Variants in GBP1 observed in about 807,000 individuals in gnomAD.
GBP1 encodes the protein guanylate-binding protein 1.
Under a neutral mutation model 69.5 loss-of-function variants are expected in GBP1, and 64 were observed. That is an observed-to-expected ratio of 0.92 (90% CI 0.75 to 1.13). The LOEUF is 1.13. GBP1 is among the 50% of genes most tolerant of loss of function. GBP1 has a pLI of 0.00. For missense variants in GBP1, 630 were observed against 704.1 expected, an observed-to-expected ratio of 0.89 and a Z score of 1.19; for synonymous variants, 250 against 261.2, an observed-to-expected ratio of 0.96 and a Z score of 0.41.
chr1:89,056,121 T>G lies in GBP1; in HGVS notation c.1263A>C (p.Glu421Asp). 1 of 1,613,944 alleles carries G rather than the reference T, an allele frequency of 6.2e-7. No individual in the cohort carries two copies. Among genetic ancestry groups the G allele is most frequent in the Non-Finnish European group, 8.5e-7 (1 of 1,179,828 alleles). Residue 421 changes from glutamate to aspartate, a missense_variant, in exon 8 of 11, where the codon GAA becomes GAC. Physicochemically the swap from Glu to Asp is conservative, Grantham distance 45 (BLOSUM62 2). This residue lies in a region of GBP1 where 367 missense variants were observed against 369.5 expected (regional missense o/e 0.99). Coordinates refer to ENST00000370473, the MANE Select transcript of GBP1 (RefSeq NM_002053.3). Reference sequence around the variant, plus strand: ...GTTTCGAATAAATTCCCGCCTTCACTTCTTCTTCTAGAGGACTGAAAATGA... The same window carrying G: ...GTTTCGAATAAATTCCCGCCTTCACGTCTTCTTCTAGAGGACTGAAAATGA... ...LQVIFSPLEE[E>D]VKAGIYSKPG...
chr1:89,057,216 A>G, intron 6 of GBP1, 82 bp from the exon 7 acceptor site: 1 of 1,563,022 alleles, frequency 6.4e-7, no homozygotes, highest in Admixed American at 1.8e-5. Context: ...GTCAAATACC[A>G]CCTATTTTCC....
chr1:89,056,755 A>G, intron 7 of GBP1, 99 bp downstream of exon 7: 1 of 1,328,630 alleles, frequency 7.5e-7, no homozygotes, highest in Non-Finnish European at 1.0e-6. Flanking sequence ...TATGGAAGCT[A>G]GGAGGAATTA....
chr1:89,058,760 G>A, intron 5 of GBP1, 81 bp downstream of exon 5: 5 of 1,497,650 alleles, frequency 3.3e-6, no homozygotes, highest in Non-Finnish European at 4.6e-6. Flanking sequence ...GCAAATGCTG[G>A]AAAACTAGCA....
intron 10 of GBP1, among the ~76,000 whole-genome samples, chr1:89,054,404 T>C (rs1407097240): frequency 1.3e-5 from 2 of 152,036 alleles, no homozygotes; most frequent in African/African-American, 4.8e-5. Context: ...CCCACCGAGA[T>C]ACAGATATTT....
chr1:89,062,960 C>A (rs1557751653), intron 2 of GBP1, 85 bp downstream of exon 2: 1 of 1,529,860 alleles, frequency 6.5e-7, no homozygotes, highest in Non-Finnish European at 9.0e-7. Flanking sequence ...ATCCTCATCT[C>A]TTTCTCTCCT....
intron 10 of GBP1, among the ~76,000 whole-genome samples, chr1:89,054,302 G>A (rs957244762): frequency 3.9e-5 from 6 of 151,998 alleles, no homozygotes; most frequent in Non-Finnish European, 5.9e-5. Flanking sequence ...GGATTTCACC[G>A]TGTTAGCCAG....
Position 89,058,104 on chromosome 1 carries a change from T to C in GBP1, c.762A>G (p.Gln254=). The C allele has an allele frequency of 6.2e-7, 1 of 1,614,206 alleles. No individual in the cohort carries two copies. The highest frequency in any genetic ancestry group is 1.3e-5 in the African/African-American group (1 of 75,056). The change falls in exon 6 of 11, where the codon CAA becomes CAG. Residue 254 remains glutamine, a synonymous_variant. Coordinates refer to ENST00000370473, the MANE Select transcript of GBP1 (RefSeq NM_002053.3). ...CAAATTCGGGGTCCAGCTCTTCATC[T>C]TGTAGTTTCTCGAGCTGGGCAAGCT... ...RRKLAQLEKL[Q]DEELDPEFVQ...
chr1:89,056,546 A>G (rs1048800191), intron 7 of GBP1, among the ~76,000 whole-genome samples: 9 of 152,218 alleles, frequency 5.9e-5, no homozygotes, highest in Non-Finnish European at 1.3e-4. Context: ...GTAGGATGAA[A>G]ATTTTCTTTG....
chr1:89,063,608 T>C (rs1027528116), intron 1 of GBP1, among the ~76,000 whole-genome samples: 2 of 152,228 alleles, frequency 1.3e-5, no homozygotes, highest in African/African-American at 2.4e-5. Context: ...ATGTAAGGAA[T>C]TCAATATTGA....
At chr1:89,064,232 TGTGTGTGTGAGAGA>T (rs1202862731) in intron 1 of GBP1, among the ~76,000 whole-genome samples, 17 of 113,630 alleles carry the variant, frequency 1.5e-4, no homozygotes, top group African/African-American at 4.9e-4. Context: ...TGTGTGTGTG[TGTGTGTGTGAGAGA>T]GAGAGAGAGA....
At position 89,056,147 on chromosome 1, in the gene GBP1, C is replaced by T; in HGVS notation, c.1237G>A (p.Val413Ile). The T allele has an allele frequency of 6.2e-7, 1 of 1,613,900 alleles. No homozygotes were observed. Among genetic ancestry groups the T allele is most frequent in the Non-Finnish European group, 8.5e-7 (1 of 1,179,858 alleles). The change falls in exon 8 of 11, where the codon GTC (valine) becomes ATC (isoleucine). Residue 413 changes from valine (V) to isoleucine (I), a missense_variant. Physicochemically the swap from Val to Ile is conservative, Grantham distance 29 (BLOSUM62 3). Transcript: ENST00000370473. ...TCTTCTTCTAGAGGACTGAAAATGA[C>T]CTGAAGTAAAGCTGAGCAACGATCT... is the stretch of plus-strand genomic sequence containing the variant. Reference protein sequence around the residue: ...SSDRCSALLQVIFSPLEEEVK... With the variant: ...SSDRCSALLQIIFSPLEEEVK...
intron 2 of GBP1, among the ~76,000 whole-genome samples, chr1:89,061,862 C>T (rs1680207942): frequency 1.3e-5 from 2 of 151,862 alleles, no homozygotes; most frequent in Non-Finnish European, 2.9e-5. Context: ...TAGACATTCT[C>T]CCAAAGAAGA....
rs377484518 is a variant in GBP1 at position 89,063,006 on chromosome 1, A to G, written c.190+39T>C. The G allele has an allele frequency of 5.7e-4, 922 of 1,608,632 alleles. 2 individuals carry two copies. Among genetic ancestry groups the G allele is most frequent in the Non-Finnish European group, 7.3e-4 (861 of 1,175,670 alleles). The stretch of plus-strand genomic sequence containing the variant: ...TAATGGAGGCTGACTGTGTAGATGG[A>G]CAGAAGGGACTTGGCAGAGCTTTGC... On this transcript the variant is annotated intron_variant, in intron 2 of 10. Coordinates refer to ENST00000370473, the MANE Select transcript of GBP1 (RefSeq NM_002053.3).
rs535923634 is a variant in GBP1, at chr1:89,054,342, C to T, written c.1665+340G>A. The stretch of plus-strand genomic sequence containing the variant: ...GCCTCAATCTCCTGACCTCGTGATC[C>T]GCCCGCCTTGGCCTCCCAGAGTGCT... On this transcript the variant is annotated intron_variant, in intron 10 of 10. Transcript: ENST00000370473. Among the ~76,000 whole-genome samples the T allele has an allele frequency of 7.9e-5, 12 of 152,238 alleles. No homozygotes were observed. In the East Asian group the frequency reaches 9.6e-4, roughly 12 times the overall value.
rs775786178 is a variant in GBP1 at position 89,058,988 on chromosome 1, C to T, written c.484G>A (p.Glu162Lys). ...IRSKSSPDEN[E>K]NEVEDSADFV... ...TCAGCTGAATCCTCAACCTCATTCTCATTCTCATCAGGTGAGGATTTTGAT... is the reference window on the plus strand; with the variant it reads ...TCAGCTGAATCCTCAACCTCATTCTTATTCTCATCAGGTGAGGATTTTGAT... Residue 162 changes from glutamate (E) to lysine (K), a missense_variant, in exon 5 of 11, where the codon GAG becomes AAG. Glu to Lys is a moderately conservative substitution (Grantham distance 56). Transcript: ENST00000370473. 1.1e-5 allele frequency: 18 copies of T among 1,614,064 alleles called. 1 individual carries two copies. The Admixed American group carries it at 1.7e-4, about 15-fold the overall frequency.
At position 89,058,165 on chromosome 1, in the gene GBP1, T is replaced by A; in HGVS notation, c.701A>T (p.Lys234Ile). 1 of 1,614,034 alleles carries A rather than the reference T, an allele frequency of 6.2e-7. No homozygotes were observed. The highest frequency in any genetic ancestry group is 2.2e-5 in the East Asian group (1 of 44,890). ...AACGGGCCGATCAAAGACAAAGCAT[T>A]TTTTCTTTGGGAAGAATTTCCGGAT... The part of the protein sequence containing the change: ...LCIRKFFPKK[K>I]CFVFDRPVHR... Residue 234 changes from lysine to isoleucine, a missense_variant, in exon 6 of 11, where the codon AAA becomes ATA. By Grantham distance (102) the Lys-to-Ile change is moderately radical. Around this residue, in one of 5 missense-constraint regions of GBP1, gnomAD observed 367 missense variants for 369.5 expected, o/e 0.99. Coordinates refer to ENST00000370473, the MANE Select transcript of GBP1 (RefSeq NM_002053.3).
Position 89,053,302 on chromosome 1 carries a change from C to T in GBP1, c.*53G>A. 1.4e-6 allele frequency: 2 copies of T among 1,423,242 alleles called. No individual in the cohort carries two copies. The highest frequency in any genetic ancestry group is 2.5e-5 in the South Asian group (2 of 78,608). The allele number at this position is 1,423,242 out of a possible 1,614,324, so 88.2% of individuals were successfully genotyped here. A position where few individuals can be genotyped will look rare whatever the true frequency, so the allele number is the denominator to read the frequency against. On this transcript the variant is annotated 3_prime_UTR_variant, in exon 11 of 11. Transcript: ENST00000370473. ...AATGTAGTGACGCTTGTTCCAAATT[C>T]TAAAATTGTTTCAATTATGCCTTGG...
Position 89,059,439 on chromosome 1 carries a change from A to G in GBP1, c.319-13T>C, listed in dbSNP as rs1353949957. 14 of 1,613,882 alleles carry G rather than the reference A, an allele frequency of 8.7e-6. No homozygotes were observed. Among genetic ancestry groups the G allele is most frequent in the Middle Eastern group, 1.6e-4 (1 of 6,082 alleles). On this transcript the variant is annotated splice_polypyrimidine_tract_variant and intron_variant, in intron 3 of 10. Transcript: ENST00000370473. ...TCTGGTTGTCACCCTGGAAGTCAAG[A>G]CACACTGGAGTCAGGAGCAAGTTTC... is the stretch of plus-strand genomic sequence containing the variant.
In GBP1 at chr1:89,063,103, C is replaced by T; in HGVS notation, c.132G>A (p.Val44=). The part of the protein sequence containing the change: ...ITQPMVVVAI[V]GLYRTGKSYL... ...AGGATTTGCCTGTGCGGTAGAGGCCCACAATTGCCACCACCACCATAGGCT... is the reference window on the plus strand; with the variant it reads ...AGGATTTGCCTGTGCGGTAGAGGCCTACAATTGCCACCACCACCATAGGCT... The change falls in exon 2 of 11, where the codon GTG becomes GTA. Residue 44 remains valine, a synonymous_variant. Transcript: ENST00000370473. 3.7e-6 allele frequency: 6 copies of T among 1,614,074 alleles called. No individual in the cohort carries two copies. The highest frequency in any genetic ancestry group is 5.1e-6 in the Non-Finnish European group (6 of 1,179,990).
Sources: allele counts gnomAD v4.1 joint callset (sites outside exome capture counted in the v4.1 genomes callset), GRCh38; gene constraint gnomAD v4.1.1; regional missense constraint gnomAD v4.1.1; transcripts MANE v1.5; gene names NCBI Gene and HGNC (gene_info 2026-07-23, HGNC 2026-07-21).